PTPRD: variants seen among roughly 807,000 people sequenced by gnomAD.
PTPRD encodes the protein receptor-type tyrosine-protein phosphatase delta.
In PTPRD, 34 loss-of-function variants were observed where a neutral mutation model predicts 214.5. The observed-to-expected ratio is 0.16, with a 90% CI of 0.12 to 0.21. The LOEUF is 0.21. Among genes scored for constraint, PTPRD ranks in the 10% least tolerant of loss-of-function variants. The pLI, the probability that PTPRD is intolerant of heterozygous loss-of-function variation, is 1.00. For synonymous variants in PTPRD, 1,128 were observed against 845.7 expected, an observed-to-expected ratio of 1.33 and a Z score of -5.79; for missense variants, 2,545 against 2,398.7, an observed-to-expected ratio of 1.06 and a Z score of -1.27.
rs546671405 is a variant in PTPRD at position 8,762,360 on chromosome 9, A to G, written c.-103-28414T>C. Among the ~76,000 whole-genome samples, 12 of 152,330 alleles carry G rather than the reference A, an allele frequency of 7.9e-5. No homozygotes were observed. The South Asian group carries it at 1.0e-3, about 13-fold the overall frequency. ...TAGGACTATATCAATAAAACTGCAT[A>G]TATCACCTTCATGGAAATATTTAAA... On this transcript the variant is annotated intron_variant, in intron 11 of 45. Coordinates refer to ENST00000381196, the MANE Select transcript of PTPRD (RefSeq NM_002839.4).
At chr9:9,568,298 C>T (rs549929714) in intron 8 of PTPRD, among the ~76,000 whole-genome samples, 1 of 151,916 alleles carries the variant, frequency 6.6e-6, no homozygotes, top group African/African-American at 2.4e-5. Context: ...TAGTAGAACA[C>T]ATGGAAGACT....
intron 2 of PTPRD, among the ~76,000 whole-genome samples, chr9:10,602,049 CAACTTT>C (rs1208640758): frequency 5.9e-5 from 9 of 151,740 alleles, no homozygotes; most frequent in Non-Finnish European, 1.2e-4. Context: ...CAAAACAACT[CAACTTT>C]AACTTTCTAT....
In PTPRD at chr9:9,232,847, C is replaced by T. The variant is rs149824657; in HGVS notation, c.-202-49484G>A. ...TTCTGACATTCTTCTTGAAGCAAGT[C>T]ACAGAAACCAAAATTTCTCTTCCTC... On this transcript the variant is annotated intron_variant, in intron 9 of 45. Transcript: ENST00000381196. 4.1e-3 allele frequency among the ~76,000 whole-genome samples: 627 copies of T among 152,216 alleles called. 2 individuals are homozygous for T. The highest frequency in any genetic ancestry group is 0.014 in the African/African-American group (601 of 41,526).
At chr9:8,852,055 CG>C (rs1212334889) in intron 11 of PTPRD, among the ~76,000 whole-genome samples, 2 of 53,154 alleles carry the variant, frequency 3.8e-5, no homozygotes, top group African/African-American at 2.5e-4. Flanking sequence ...CATCTACTAA[CG>C]GTTTAAAAAA....
intron 5 of PTPRD, among the ~76,000 whole-genome samples, chr9:9,836,758 G>A (rs911908295): frequency 6.6e-6 from 1 of 152,012 alleles, no homozygotes; most frequent in African/African-American, 2.4e-5. Context: ...ATAAAATAAG[G>A]AAGAAAACTT....
intron 37 of PTPRD, among the ~76,000 whole-genome samples, chr9:8,388,417 T>C (rs79414549): frequency 0.11 from 16,062 of 152,218 alleles, 1,630 homozygotes; most frequent in African/African-American, 0.27. Flanking sequence ...AATGAAAGTA[T>C]CTGCTGTCTT....
chr9:10,349,399 C>G (rs1386592226), intron 2 of PTPRD, among the ~76,000 whole-genome samples: 1 of 152,102 alleles, frequency 6.6e-6, no homozygotes, highest in Non-Finnish European at 1.5e-5. Context: ...AATTACTGCC[C>G]CTGCAGATAA....
At chr9:9,590,201 T>G (rs73388952) in intron 7 of PTPRD, among the ~76,000 whole-genome samples, 7,628 of 152,110 alleles carry the variant, frequency 0.05, 598 homozygotes, top group African/African-American at 0.16. Context: ...GCAAATACTG[T>G]TCTATGATCT....
At chr9:9,872,165 G>A (rs574841008) in intron 5 of PTPRD, among the ~76,000 whole-genome samples, 12 of 152,204 alleles carry the variant, frequency 7.9e-5, no homozygotes, top group South Asian at 4.1e-4. Context: ...TCCCATAAAC[G>A]AAAGGTATCA....
At chr9:9,244,661 T>G (rs1446264060) in intron 9 of PTPRD, among the ~76,000 whole-genome samples, 1 of 152,100 alleles carries the variant, frequency 6.6e-6, no homozygotes, top group East Asian at 1.9e-4. Context: ...ACTTAAATGT[T>G]AGACCAAAAA....
At chr9:8,862,996 G>C (rs2098132781) in intron 11 of PTPRD, among the ~76,000 whole-genome samples, 3 of 152,178 alleles carry the variant, frequency 2.0e-5, no homozygotes, top group South Asian at 4.1e-4. Context: ...CAGCGCACCA[G>C]CATGGCACAT....
chr9:10,439,303 C>A (rs1012935126), intron 2 of PTPRD, among the ~76,000 whole-genome samples: 65 of 151,826 alleles, frequency 4.3e-4, no homozygotes, highest in African/African-American at 1.6e-3. Flanking sequence ...ATTGTCACTA[C>A]TAAGTCTAGA....
intron 2 of PTPRD, among the ~76,000 whole-genome samples, chr9:10,512,676 T>C (rs1354949014): frequency 6.6e-6 from 1 of 151,972 alleles, no homozygotes; most frequent in Non-Finnish European, 1.5e-5. Flanking sequence ...AAGGAGGAAA[T>C]GGAAGAAAGG....
intron 11 of PTPRD, among the ~76,000 whole-genome samples, chr9:8,814,651 G>A (rs932390032): frequency 6.6e-6 from 1 of 152,186 alleles, no homozygotes; most frequent in African/African-American, 2.4e-5. Context: ...CATGAGTTTG[G>A]AGAGCACAAA....
chr9:9,227,427 C>T (rs1387434408), intron 9 of PTPRD, among the ~76,000 whole-genome samples: 1 of 152,062 alleles, frequency 6.6e-6, no homozygotes, highest in Non-Finnish European at 1.5e-5. Context: ...GCTATCTGGC[C>T]CTGGCTTCCT....
At chr9:10,039,270 G>T (rs1045670647) in intron 3 of PTPRD, among the ~76,000 whole-genome samples, 9 of 151,918 alleles carry the variant, frequency 5.9e-5, no homozygotes, top group African/African-American at 2.2e-4. Flanking sequence ...TGAATCAACA[G>T]AAAATGAATA....
At chr9:9,152,126 G>T (rs946053950) in intron 10 of PTPRD, among the ~76,000 whole-genome samples, 1 of 152,186 alleles carries the variant, frequency 6.6e-6, no homozygotes, top group South Asian at 2.1e-4. Context: ...CGAATGAAGA[G>T]CTGGTCACTG....
rs547794095 is a variant in PTPRD, at chr9:9,780,811, C to T, written c.-367-13960G>A. Among the ~76,000 whole-genome samples the T allele has an allele frequency of 3.9e-5, 6 of 152,308 alleles. No individual in the cohort carries two copies. The South Asian group carries it at 8.3e-4, about 21-fold the overall frequency. On this transcript the variant is annotated intron_variant, in intron 5 of 45. Coordinates refer to ENST00000381196, the MANE Select transcript of PTPRD (RefSeq NM_002839.4). ...ATCCATGAAAACAGTAGTTTATAAA[C>T]AAACTCTGATACATCCACATAGTGG...
intron 2 of PTPRD, among the ~76,000 whole-genome samples, chr9:10,557,804 G>A (rs939984717): frequency 6.6e-6 from 1 of 152,180 alleles, no homozygotes; most frequent in Middle Eastern, 3.2e-3. Context: ...ACAGTTTGCA[G>A]AAGAAGTGTT....
Sources: allele counts gnomAD v4.1 joint callset (sites outside exome capture counted in the v4.1 genomes callset), GRCh38; gene constraint gnomAD v4.1.1; transcripts MANE v1.5; gene names NCBI Gene and HGNC (gene_info 2026-07-23, HGNC 2026-07-21).